SYCP2: variants seen among roughly 807,000 people sequenced by gnomAD.
SYCP2 encodes synaptonemal complex lateral element protein.
In SYCP2, 55 loss-of-function variants were observed where a neutral mutation model predicts 211.3. The observed-to-expected ratio is 0.26, with a 90% CI of 0.21 to 0.33. SYCP2 has a LOEUF of 0.33. Ranked by LOEUF, SYCP2 falls within the 10% of genes least tolerant of loss-of-function variation. The pLI is 1.00. For synonymous variants in SYCP2, 570 were observed against 555.2 expected, an observed-to-expected ratio of 1.03 and a Z score of -0.37; for missense variants, 1,731 against 1,752.0, an observed-to-expected ratio of 0.99 and a Z score of 0.21.
intron 14 of SYCP2, among the ~76,000 whole-genome samples, chr20:59,910,911 A>C (rs1306318227): frequency 6.6e-6 from 1 of 152,056 alleles, no homozygotes. Flanking sequence ...ATTGGAACTC[A>C]ATTTTAAGCA....
chr20:59,902,392 C>T (rs775605737), intron 15 of SYCP2, among the ~76,000 whole-genome samples: 28 of 152,026 alleles, frequency 1.8e-4, no homozygotes, highest in Non-Finnish European at 3.7e-4. Flanking sequence ...TCCCTCCCTA[C>T]AAAAGTTACC....
Position 59,864,241 on chromosome 20 carries a change from A to G in SYCP2, c.*70T>C. On this transcript the variant is annotated 3_prime_UTR_variant, in exon 45 of 45. Coordinates refer to ENST00000357552, the MANE Select transcript of SYCP2 (RefSeq NM_014258.4). ...ACATGTATATTTTTCTCTTTGTAGG[A>G]CTATTCTTATTTCCTCAGTTATATA... 1 of 1,094,640 alleles carries G rather than the reference A, an allele frequency of 9.1e-7. No individual in the cohort carries two copies. The highest frequency in any genetic ancestry group is 2.4e-4 in the Middle Eastern group (1 of 4,166). The allele number at this position is 1,094,640 out of a possible 1,614,324, so 67.8% of individuals were successfully genotyped here. A position where few individuals can be genotyped will look rare whatever the true frequency, so the allele number is the denominator to read the frequency against.
chr20:59,881,539 A>G (rs2059681089), intron 28 of SYCP2, 47 bp from the exon 29 acceptor site: 1 of 930,752 alleles, frequency 1.1e-6, no homozygotes, highest in Admixed American at 3.2e-5. Flanking sequence ...TGTCAAAATA[A>G]AAAAGATTAA....
Position 59,892,152 on chromosome 20 carries a change from T to C in SYCP2, c.2202A>G (p.Glu734=). 1.2e-6 allele frequency: 2 copies of C among 1,612,450 alleles called. No homozygotes were observed. The highest frequency in any genetic ancestry group is 4.5e-5 in the East Asian group (2 of 44,798). ...FKSVLLNKTI[E]ESLIYRKKYI... ...ATTTCTTCCTATATATCAGCGATTCTTCAATTGTCTTATTTAGGAGAACCG... is the reference window on the plus strand; with the variant it reads ...ATTTCTTCCTATATATCAGCGATTCCTCAATTGTCTTATTTAGGAGAACCG... Residue 734 remains glutamate, a synonymous_variant, in exon 24 of 45, where the codon GAA becomes GAG. Transcript: ENST00000357552.
In SYCP2 at chr20:59,914,127, C is replaced by T; in HGVS notation, c.759G>A (p.Lys253=). ...AACTTACTGTTTCAAATTCAGAGTCCTTAATTCTTTTAAATGCCTTAGCAA... is the reference window on the plus strand; with the variant it reads ...AACTTACTGTTTCAAATTCAGAGTCTTTAATTCTTTTAAATGCCTTAGCAA... ...DFIAKAFKRI[K]DSEFETDCRI... is the part of the protein sequence containing the mutation. The change falls in exon 11 of 45, where the codon AAG becomes AAA. Residue 253 remains lysine, a synonymous_variant. Transcript: ENST00000357552. 1 of 1,601,988 alleles carries T rather than the reference C, an allele frequency of 6.2e-7. No homozygotes were observed. Among genetic ancestry groups the T allele is most frequent in the Non-Finnish European group, 8.5e-7 (1 of 1,173,242 alleles).
At chr20:59,914,922 C>CTATTA (rs569986904) in intron 10 of SYCP2, among the ~76,000 whole-genome samples, 82 of 151,920 alleles carry the variant, frequency 5.4e-4, no homozygotes, top group African/African-American at 1.9e-3. Flanking sequence ...TTAATTTAAG[C>CTATTA]TATTAAGCTA....
chr20:59,880,540 C>A, intron 30 of SYCP2, 69 bp from the exon 31 acceptor site: 1 of 874,148 alleles, frequency 1.1e-6, no homozygotes, highest in Non-Finnish European at 1.7e-6. Flanking sequence ...GTAAGTTAAA[C>A]CAAAACAACA....
At chr20:59,902,459 G>A (rs1228094837) in intron 15 of SYCP2, among the ~76,000 whole-genome samples, 1 of 152,118 alleles carries the variant, frequency 6.6e-6, no homozygotes, top group African/African-American at 2.4e-5. Flanking sequence ...AGGCCACCAT[G>A]CTCGTGTCCT....
At chr20:59,904,302 G>A (rs1489287579) in intron 15 of SYCP2, among the ~76,000 whole-genome samples, 1 of 152,130 alleles carries the variant, frequency 6.6e-6, no homozygotes, top group Non-Finnish European at 1.5e-5. Context: ...ATTTTGGACT[G>A]AGTAGAGTGA....
At chr20:59,933,108 C>T (rs114399296) in intron 1 of SYCP2, 3,942 of 152,680 alleles carry the variant, frequency 0.026, 170 homozygotes, top group African/African-American at 0.09. Context: ...AGGCGAGCAG[C>T]GGTCCCCAGG....
chr20:59,893,400 G>A (rs541340252), intron 21 of SYCP2, 124 bp downstream of exon 21: 5 of 812,756 alleles, frequency 6.2e-6, no homozygotes, highest in Non-Finnish European at 9.6e-6. Context: ...CTTGCACAAA[G>A]TCAAACAAAT....
chr20:59,867,330 CAAAAT>C (rs915850961), intron 39 of SYCP2, among the ~76,000 whole-genome samples: 6 of 151,074 alleles, frequency 4.0e-5, no homozygotes, highest in East Asian at 1.9e-4. Flanking sequence ...ACTAGTAAAA[CAAAAT>C]GAAATGGTAT....
intron 18 of SYCP2, among the ~76,000 whole-genome samples, chr20:59,898,088 C>G (rs2060045205): frequency 6.6e-6 from 1 of 152,054 alleles, no homozygotes; most frequent in Non-Finnish European, 1.5e-5. Flanking sequence ...CCACTGCACT[C>G]CAGCCTGTGT....
intron 31 of SYCP2, among the ~76,000 whole-genome samples, chr20:59,879,189 G>A (rs185634849): frequency 3.8e-4 from 58 of 152,106 alleles, no homozygotes; most frequent in Admixed American, 1.3e-3. Flanking sequence ...TTCAGACTAT[G>A]ATGCAATCTA....
rs140820361 is a variant in SYCP2 at position 59,892,346 on chromosome 20, C to G, written c.2008G>C (p.Val670Leu). ...SDHNSEGTGKVKYKKEQTDHI... is the reference protein window; with the variant it reads ...SDHNSEGTGKLKYKKEQTDHI... The stretch of plus-strand genomic sequence containing the variant: ...TCGGTTTGTTCTTTCTTATATTTCA[C>G]TTTTCCTGTTCCTTCAGAATTATGA... The change falls in exon 24 of 45, where the codon GTG (valine) becomes CTG (leucine). Residue 670 changes from valine (V) to leucine (L), a missense_variant. Val to Leu is a conservative substitution (Grantham distance 32). This residue lies in a region of SYCP2 where 1,387 missense variants were observed against 1,351.3 expected (regional missense o/e 1.03). Transcript: ENST00000357552. 7 of 1,603,260 alleles carry G rather than the reference C, an allele frequency of 4.4e-6. No homozygotes were observed. The African/African-American group carries it at 9.4e-5, about 21-fold the overall frequency.
chr20:59,880,953 T>G lies in SYCP2; in HGVS notation c.2772+13A>C. The G allele has an allele frequency of 5.6e-6, 7 of 1,255,812 alleles. No homozygotes were observed. Among genetic ancestry groups the G allele is most frequent in the Non-Finnish European group, 6.8e-6 (6 of 886,134 alleles). 77.8% of individuals were successfully genotyped at this position (1,255,812 alleles called of 1,614,324 possible). On this transcript the variant is annotated intron_variant, in intron 30 of 44. Coordinates refer to ENST00000357552, the MANE Select transcript of SYCP2 (RefSeq NM_014258.4). ...ACTACTTCTAATAGACATATTGAGA[T>G]ATTATAACTTACTTTTTTATCTTTT...
At chr20:59,914,355 A>G in intron 10 of SYCP2, 104 bp from the exon 11 acceptor site, 1 of 554,572 alleles carries the variant, frequency 1.8e-6, no homozygotes, top group Non-Finnish European at 3.0e-6. Context: ...AAATAAGAAT[A>G]TATTAATGTA....
In SYCP2 at chr20:59,896,493, T is replaced by C; in HGVS notation, c.1440A>G (p.Ala480=). ...TATCTGCACCAGAAACAATCATTGATGCTTCAGACATTTTTCTTTTGCTAG... is the reference window on the plus strand; with the variant it reads ...TATCTGCACCAGAAACAATCATTGACGCTTCAGACATTTTTCTTTTGCTAG... The part of the protein sequence containing the change: ...TTPSKRKMSE[A]SMIVSGADRY... The change falls in exon 19 of 45, where the codon GCA becomes GCG. Residue 480 remains alanine (A), a synonymous_variant. Transcript: ENST00000357552. The C allele has an allele frequency of 1.9e-6, 3 of 1,610,984 alleles. No homozygotes were observed. Among genetic ancestry groups the C allele is most frequent in the African/African-American group, 1.3e-5 (1 of 74,980 alleles).
In SYCP2 at chr20:59,864,367, C is replaced by T. The variant is rs1269615637; in HGVS notation, c.4537G>A (p.Val1513Ile). 4 of 1,602,132 alleles carry T rather than the reference C, an allele frequency of 2.5e-6. No homozygotes were observed. The highest frequency in any genetic ancestry group is 2.2e-5 in the South Asian group (2 of 89,052). The change falls in exon 45 of 45, where the codon GTA becomes ATA. Residue 1513 changes from valine (V) to isoleucine (I), a missense_variant. By Grantham distance (29) the Val-to-Ile change is conservative. This residue lies in a region of SYCP2 where 1,387 missense variants were observed against 1,351.3 expected (regional missense o/e 1.03). Transcript: ENST00000357552. ...AATACTGACATCAGTTCTCTGCGTA[C>T]ATTAAGAAGCTCCTCTTCTAGCTAT... is the stretch of plus-strand genomic sequence containing the variant. ...KDMLEEELLN[V>I]RRELMSVFMS...
Sources: allele counts gnomAD v4.1 joint callset (sites outside exome capture counted in the v4.1 genomes callset), GRCh38; gene constraint gnomAD v4.1.1; regional missense constraint gnomAD v4.1.1; transcripts MANE v1.5; gene names NCBI Gene and HGNC (gene_info 2026-07-23, HGNC 2026-07-21).